TRPM7: variants seen among roughly 807,000 people sequenced by gnomAD.
TRPM7 encodes transient receptor potential cation channel subfamily M member 7.
In TRPM7, 134 loss-of-function variants were observed where a neutral mutation model predicts 229.7. The observed-to-expected ratio is 0.58, with a 90% CI of 0.51 to 0.67. TRPM7 has a LOEUF of 0.67. Ranked by LOEUF, TRPM7 falls within the 30% of genes least tolerant of loss-of-function variation. TRPM7 has a pLI of 0.00. For synonymous variants in TRPM7, 699 were observed against 715.2 expected (o/e 0.98, Z 0.36); for missense variants, 1,901 against 2,210.0 (o/e 0.86, Z 2.80).
chr15:50,599,834 AATT>A (rs1198657457), intron 21 of TRPM7, among the ~76,000 whole-genome samples: 1 of 152,160 alleles, frequency 6.6e-6, no homozygotes, highest in African/African-American at 2.4e-5. Flanking sequence ...AAACAATCTG[AATT>A]ATTAGCATGG....
At position 50,643,659 on chromosome 15, in the gene TRPM7, AAG is replaced by A. The variant is rs1283489080; in HGVS notation, c.322-108_322-107del. The A allele has an allele frequency of 3.9e-6, 3 of 778,598 alleles. No individual in the cohort carries two copies. In the African/African-American group the frequency reaches 5.3e-5, roughly 14 times the overall value. 48.2% of individuals were successfully genotyped at this position (778,598 alleles called of 1,614,324 possible). On this transcript the variant is annotated intron_variant, in intron 4 of 38. Transcript: ENST00000646667. ...TTTTATATGAATCAGATTATGTAAA[AAG>A]AGATTTCATAGGCTATTTTCAATAT...
chr15:50,678,170 G>C (rs1194756249), intron 1 of TRPM7, among the ~76,000 whole-genome samples: 1 of 150,442 alleles, frequency 6.6e-6, no homozygotes, highest in African/African-American at 2.4e-5. Flanking sequence ...GAACCCAAGA[G>C]GCAGAGCTTG....
intron 2 of TRPM7, among the ~76,000 whole-genome samples, chr15:50,660,290 A>C (rs559173944): frequency 2.0e-5 from 3 of 152,318 alleles, no homozygotes; most frequent in African/African-American, 7.2e-5. Context: ...AAATTGAGGG[A>C]TATTTAAAAA....
rs59579538 is a variant in TRPM7, at chr15:50,650,192, CAAA to C, written c.123-1310_123-1308del. On this transcript the variant is annotated intron_variant, in intron 3 of 38. Coordinates refer to ENST00000646667, the MANE Select transcript of TRPM7 (RefSeq NM_017672.6). ...TGGGTGAAAGAGTGAGACTTTGTCT[CAAA>C]AAAAAAAAAAAAAAAAAAAAAAAAA... Among the ~76,000 whole-genome samples, 299 of 62,202 alleles carry C rather than the reference CAAA, an allele frequency of 4.8e-3. 1 individual carries two copies. The highest frequency in any genetic ancestry group is 0.012 in the African/African-American group (162 of 13,866). 40.8% of individuals were successfully genotyped at this position (62,202 alleles called of 152,430 possible).
At chr15:50,674,419 G>A (rs994759786) in intron 1 of TRPM7, among the ~76,000 whole-genome samples, 1 of 152,162 alleles carries the variant, frequency 6.6e-6, no homozygotes, top group East Asian at 1.9e-4. Context: ...GGGGTGAGCC[G>A]TGGCACCCAG....
chr15:50,598,000 G>C (rs1171326193), intron 22 of TRPM7, among the ~76,000 whole-genome samples: 1 of 151,736 alleles, frequency 6.6e-6, no homozygotes, highest in Non-Finnish European at 1.5e-5. Context: ...AATTTGACCA[G>C]GCTGGTAAAA....
In TRPM7 at chr15:50,609,647, CT is replaced by C; in HGVS notation, c.2513del (p.Lys838SerfsTer17). 1 of 1,612,502 alleles carries C rather than the reference CT, an allele frequency of 6.2e-7. No individual in the cohort carries two copies. On this transcript the variant is annotated frameshift_variant, in exon 19 of 39. Transcript: ENST00000646667. LOFTEE classifies it high-confidence loss of function. ...CATAAAACTTTCGCGTAATTGGAAG[CT>C]TTTTTGATTTCATTTGTATCTCCAT... is the stretch of plus-strand genomic sequence containing the variant. ...NEMEIQMKSK[K>X]LPITRKFYAF... is the part of the protein sequence containing the mutation.
At chr15:50,650,389 G>A (rs191653081) in intron 3 of TRPM7, among the ~76,000 whole-genome samples, 1 of 151,806 alleles carries the variant, frequency 6.6e-6, no homozygotes, top group Non-Finnish European at 1.5e-5. Flanking sequence ...CATTAAATTA[G>A]AAGGACTAAA....
chr15:50,596,899 C>T (rs1219760169), intron 22 of TRPM7, among the ~76,000 whole-genome samples: 4 of 152,106 alleles, frequency 2.6e-5, no homozygotes, highest in Admixed American at 6.6e-5. Flanking sequence ...AACAGGCATG[C>T]GCCACCATGC....
intron 3 of TRPM7, among the ~76,000 whole-genome samples, chr15:50,655,505 G>A (rs942078959): frequency 4.7e-5 from 7 of 149,388 alleles, no homozygotes; most frequent in Non-Finnish European, 7.4e-5. Context: ...AAATATTTAC[G>A]CAAGCAGAAT....
intron 19 of TRPM7, among the ~76,000 whole-genome samples, chr15:50,608,610 A>G (rs1431535763): frequency 6.6e-6 from 1 of 152,248 alleles, no homozygotes; most frequent in African/African-American, 2.4e-5. Context: ...TTGCAATTCC[A>G]GCCTCTGAAT....
At position 50,628,244 on chromosome 15, in the gene TRPM7, T is replaced by C. The variant is rs531790220; in HGVS notation, c.1210A>G (p.Asn404Asp). Residue 404 changes from asparagine (N) to aspartate (D), a missense_variant, in exon 11 of 39, where the codon AAT (asparagine) becomes GAT (aspartate). Asn to Asp is a conservative substitution (Grantham distance 23). Around this residue, in one of 8 missense-constraint regions of TRPM7, gnomAD observed 794 missense variants for 881.9 expected, o/e 0.90. Transcript: ENST00000646667. ...ATAAGCTGGTCAAATGCAGATGCAT[T>C]AGTACCTAATCGAATAAAGAAAATA... ...AILTALLKGT[N>D]ASAFDQLILT... is the part of the protein sequence containing the mutation. 1 of 1,605,098 alleles carries C rather than the reference T, an allele frequency of 6.2e-7. No individual in the cohort carries two copies. Among genetic ancestry groups the C allele is most frequent in the African/African-American group, 1.3e-5 (1 of 74,760 alleles).
At chr15:50,610,756 T>C (rs1159600332) in intron 17 of TRPM7, among the ~76,000 whole-genome samples, 1 of 152,146 alleles carries the variant, frequency 6.6e-6, no homozygotes. Flanking sequence ...TAGATAGGTC[T>C]TGAATTTCAG....
In TRPM7 at chr15:50,611,231, C is replaced by G. The variant is rs763517244; in HGVS notation, c.2142G>C (p.Lys714Asn). The G allele has an allele frequency of 1.2e-6, 2 of 1,613,970 alleles. No homozygotes were observed. Among genetic ancestry groups the G allele is most frequent in the Non-Finnish European group, 1.7e-6 (2 of 1,179,952 alleles). ...TAAGGCAGGTTGAATTACTCCAGTT[C>G]TTCAGTTCATAAGTGAGCAATTTCA... ...MAMKLLTYEL[K>N]NWSNSTCLKL... Residue 714 changes from lysine to asparagine, a missense_variant, in exon 17 of 39, where the codon AAG becomes AAC. Lys to Asn is a moderately conservative substitution (Grantham distance 94). Coordinates refer to ENST00000646667, the MANE Select transcript of TRPM7 (RefSeq NM_017672.6).
intron 3 of TRPM7, among the ~76,000 whole-genome samples, chr15:50,654,959 C>T (rs1315052929): frequency 6.2e-5 from 9 of 144,462 alleles, no homozygotes; most frequent in Admixed American, 6.2e-4. Flanking sequence ...TGAGACTGCG[C>T]CACTGCACTC....
intron 1 of TRPM7, among the ~76,000 whole-genome samples, chr15:50,670,230 T>C (rs2061959526): frequency 6.6e-6 from 1 of 152,048 alleles, no homozygotes; most frequent in Non-Finnish European, 1.5e-5. Flanking sequence ...AGGATTCTCT[T>C]ATAAAAGAAG....
intron 36 of TRPM7, among the ~76,000 whole-genome samples, chr15:50,570,679 A>T (rs1453462008): frequency 1.5e-4 from 6 of 40,128 alleles, no homozygotes; most frequent in Middle Eastern, 0.028. Context: ...TTCATTCCTA[A>T]AAAAAAAAAA....
intron 21 of TRPM7, among the ~76,000 whole-genome samples, chr15:50,600,549 CAA>C (rs1351979274): frequency 6.6e-6 from 1 of 151,822 alleles, no homozygotes; most frequent in Non-Finnish European, 1.5e-5. Flanking sequence ...AAGCCTCATG[CAA>C]AAGAGAATAC....
rs1566919577 is a variant in TRPM7, at chr15:50,558,886, TTG to T, written c.*2790_*2791del. 1.3e-5 allele frequency: 2 copies of T among 149,850 alleles called. No homozygotes were observed. Among genetic ancestry groups the T allele is most frequent in the African/African-American group, 4.9e-5 (2 of 40,532 alleles). 9.3% of individuals were successfully genotyped at this position (149,850 alleles called of 1,614,324 possible). A position where few individuals can be genotyped will look rare whatever the true frequency, so the allele number is the denominator to read the frequency against. ...CCAGCCTGGGCAACAGAGCAAGAGGTTGTCTTTTTTTTTTTTTTCTTTCTGAG... is the reference window on the plus strand; with the variant it reads ...CCAGCCTGGGCAACAGAGCAAGAGGTTCTTTTTTTTTTTTTTCTTTCTGAG... On this transcript the variant is annotated 3_prime_UTR_variant, in exon 39 of 39. Transcript: ENST00000646667.
Sources: allele counts gnomAD v4.1 joint callset (sites outside exome capture counted in the v4.1 genomes callset), GRCh38; gene constraint gnomAD v4.1.1; regional missense constraint gnomAD v4.1.1; transcripts MANE v1.5; gene names NCBI Gene and HGNC (gene_info 2026-07-23, HGNC 2026-07-21).